Variants in FAM161A observed in about 807,000 individuals in gnomAD.
FAM161A encodes FAM161 centrosomal protein A.
In FAM161A, 57 loss-of-function variants were observed where a neutral mutation model predicts 70.9. That is an observed-to-expected ratio of 0.80 (90% CI 0.65 to 1.00). The LOEUF is 1.00. FAM161A is among the 50% of genes least tolerant of loss of function. The pLI, the probability that FAM161A is intolerant of heterozygous loss-of-function variation, is 0.00. For synonymous variants in FAM161A, 299 were observed against 295.7 expected (o/e 1.01, Z -0.12); for missense variants, 880 against 836.0 (o/e 1.05, Z -0.65).
At chr2:61,824,723 T>C (rs921747810), downstream of FAM161A, 3 of 250,964 alleles carry the variant, frequency 1.2e-5, no homozygotes, top group Admixed American at 5.1e-5. Flanking sequence ...TGAAAGCAAG[T>C]AATGTTTTAA....
intron 4 of FAM161A, among the ~76,000 whole-genome samples, chr2:61,837,230 T>A (rs991266164): frequency 3.9e-5 from 6 of 152,086 alleles, no homozygotes; most frequent in African/African-American, 1.4e-4. Flanking sequence ...GTTAATTCAA[T>A]GGGAGCAAGT....
chr2:61,829,472 T>A (rs1044225841), intron 5 of FAM161A, among the ~76,000 whole-genome samples: 57 of 152,116 alleles, frequency 3.7e-4, no homozygotes, highest in Non-Finnish European at 4.1e-4. Context: ...TCACTGTGAA[T>A]AACAATAATA....
At chr2:61,805,408 C>T in the FAM161A span, among the ~76,000 whole-genome samples, 1 of 152,122 alleles carries the variant, frequency 6.6e-6, no homozygotes, top group African/African-American at 2.4e-5. Context: ...CCCAGCTACT[C>T]GGGAGGCTGA....
At chr2:61,819,873 T>C (rs1341698210), downstream of FAM161A, among the ~76,000 whole-genome samples, 1 of 152,204 alleles carries the variant, frequency 6.6e-6, no homozygotes, top group Admixed American at 6.5e-5. Context: ...TGAATGAATA[T>C]TGTTATTTGC....
rs778573948 is a variant in FAM161A, at chr2:61,840,230, A to G, written c.774T>C (p.Ser258=). The G allele has an allele frequency of 6.2e-7, 1 of 1,613,934 alleles. No individual in the cohort carries two copies. The highest frequency in any genetic ancestry group is 1.1e-5 in the South Asian group (1 of 91,032). ...TATGTACCATTTCGATATCTGATTT[A>G]GATTTCATGGACTCTTCTTTTTTCT... The part of the protein sequence containing the change: ...EQKKKEESMK[S]KSDIEMVHKA... Residue 258 remains serine, a synonymous_variant, in exon 3 of 7, where the codon TCT becomes TCC. Coordinates refer to ENST00000404929, the MANE Select transcript of FAM161A (RefSeq NM_001201543.2).
At position 61,825,288 on chromosome 2, in the gene FAM161A, A is replaced by G. The variant is rs1437120150; in HGVS notation, c.*1167T>C. The stretch of plus-strand genomic sequence containing the variant: ...CACAGAGAGATAAAGTGTGTTGGCA[A>G]TAATATGTAAAAAGTTGAACACAAC... On this transcript the variant is annotated 3_prime_UTR_variant, in exon 7 of 7. Transcript: ENST00000404929. 1 of 454,244 alleles carries G rather than the reference A, an allele frequency of 2.2e-6. No individual in the cohort carries two copies. Among genetic ancestry groups the G allele is most frequent in the East Asian group, 6.9e-5 (1 of 14,528 alleles). The allele number at this position is 454,244 out of a possible 1,614,324, so 28.1% of individuals were successfully genotyped here. A position where few individuals can be genotyped will look rare whatever the true frequency, so the allele number is the denominator to read the frequency against.
In FAM161A at chr2:61,840,420, G is replaced by T. The variant is rs757037096; in HGVS notation, c.584C>A (p.Ala195Asp). Residue 195 changes from alanine (A) to aspartate (D), a missense_variant, in exon 3 of 7, where the codon GCT becomes GAT. Physicochemically the swap from Ala to Asp is moderately radical, Grantham distance 126 (BLOSUM62 -2). Transcript: ENST00000404929. Reference sequence around the variant, plus strand: ...CCACATATTGTTGATGAGCTCCTTAGCATAGGTCATCATTCTGTTTTTCCT... The same window carrying T: ...CCACATATTGTTGATGAGCTCCTTATCATAGGTCATCATTCTGTTTTTCCT... ...YPRKNRMMTY[A>D]KELINNMWTD... The T allele has an allele frequency of 3.1e-6, 5 of 1,614,054 alleles. No homozygotes were observed. The highest frequency in any genetic ancestry group is 4.2e-6 in the Non-Finnish European group (5 of 1,180,010).
At position 61,825,006 on chromosome 2, in the gene FAM161A, G is replaced by C. The variant is rs1185984357; in HGVS notation, c.*1449C>G. 2.9e-5 allele frequency: 13 copies of C among 453,226 alleles called. No homozygotes were observed. The highest frequency in any genetic ancestry group is 1.7e-4 in the South Asian group (11 of 63,962). The allele number at this position is 453,226 out of a possible 1,614,324, so 28.1% of individuals were successfully genotyped here. A position where few individuals can be genotyped will look rare whatever the true frequency, so the allele number is the denominator to read the frequency against. On this transcript the variant is annotated 3_prime_UTR_variant, in exon 7 of 7. Coordinates refer to ENST00000404929, the MANE Select transcript of FAM161A (RefSeq NM_001201543.2). ...AAAAAGTAATTTAACACGAACTGTA[G>C]GAAGAAAATTACAAGTAAACATTTG...
At chr2:61,808,881 C>CT in the FAM161A span, among the ~76,000 whole-genome samples, 2,310 of 148,692 alleles carry the variant, frequency 0.016, 48 homozygotes, top group African/African-American at 0.047. Flanking sequence ...GTAATGTTGA[C>CT]TTTTTTTTTT....
rs768762424 is a variant in FAM161A at position 61,840,577 on chromosome 2, C to G, written c.427G>C (p.Val143Leu). The change falls in exon 3 of 7, where the codon GTA becomes CTA. Residue 143 changes from valine to leucine, a missense_variant. Val to Leu is a conservative substitution (Grantham distance 32). Transcript: ENST00000404929. ...GGGTGATAGGAGTTCTTTTCTGATA[C>G]AGATCTAAATGAGAAGAATAACTAT... ...EDSLSDSSRS[V>L]SEKNSYHPVS... is the part of the protein sequence containing the mutation. 5.0e-6 allele frequency: 8 copies of G among 1,596,086 alleles called. No individual in the cohort carries two copies. Among genetic ancestry groups the G allele is most frequent in the Non-Finnish European group, 6.9e-6 (8 of 1,163,868 alleles).
chr2:61,849,068 A>AT (rs1673396476), intron 1 of FAM161A, among the ~76,000 whole-genome samples: 1 of 6,092 alleles, frequency 1.6e-4, no homozygotes, highest in Non-Finnish European at 3.2e-4. Context: ...ATATATATAT[A>AT]AATATATATA....
At position 61,825,508 on chromosome 2, in the gene FAM161A, T is replaced by A. The variant is rs1418067621; in HGVS notation, c.*947A>T. 1 of 441,572 alleles carries A rather than the reference T, an allele frequency of 2.3e-6. No homozygotes were observed. The highest frequency in any genetic ancestry group is 4.5e-6 in the Non-Finnish European group (1 of 223,566). The allele number at this position is 441,572 out of a possible 1,614,324, so 27.4% of individuals were successfully genotyped here. A position where few individuals can be genotyped will look rare whatever the true frequency, so the allele number is the denominator to read the frequency against. On this transcript the variant is annotated 3_prime_UTR_variant, in exon 7 of 7. Transcript: ENST00000404929. ...ACTAGTATAAAAACTTTCCTAATAA[T>A]TTACAAATCAAAAATAATTTGGACT... is the stretch of plus-strand genomic sequence containing the variant.
the FAM161A span, among the ~76,000 whole-genome samples, chr2:61,812,452 T>G: frequency 6.6e-6 from 1 of 152,222 alleles, no homozygotes; most frequent in Non-Finnish European, 1.5e-5. Flanking sequence ...CCAGGCGTGG[T>G]GGCTCACGCC....
chr2:61,851,036 G>T (rs537279696), intron 1 of FAM161A, among the ~76,000 whole-genome samples: 1 of 152,030 alleles, frequency 6.6e-6, no homozygotes, highest in East Asian at 1.9e-4. Flanking sequence ...CACCACGCCC[G>T]GCTAATTTTG....
At chr2:61,845,662 AT>A (rs1457541905) in intron 1 of FAM161A, among the ~76,000 whole-genome samples, 5 of 151,632 alleles carry the variant, frequency 3.3e-5, no homozygotes, top group East Asian at 1.9e-4. Context: ...ATCTCTACAA[AT>A]TTTTTTTAAA....
intron 5 of FAM161A, chr2:61,835,478 A>AC (rs1196040635): frequency 6.6e-6 from 1 of 152,424 alleles, no homozygotes; most frequent in Non-Finnish European, 1.5e-5. Flanking sequence ...TAAAAAAAAA[A>AC]ACTAGCAGAA....
At position 61,853,847 on chromosome 2, in the gene FAM161A, C is replaced by T. The variant is rs774742327; in HGVS notation, c.183+12G>A. On this transcript the variant is annotated intron_variant, in intron 1 of 6. Coordinates refer to ENST00000404929, the MANE Select transcript of FAM161A (RefSeq NM_001201543.2). Reference sequence around the variant, plus strand: ...ATGCGAGGTCCCAGCCCAAGTCCCGCCCCAGTATTACCGATGCCCCAGCGG... The same window carrying T: ...ATGCGAGGTCCCAGCCCAAGTCCCGTCCCAGTATTACCGATGCCCCAGCGG... 2.1e-5 allele frequency: 34 copies of T among 1,613,826 alleles called. No homozygotes were observed. Among genetic ancestry groups the T allele is most frequent in the Non-Finnish European group, 2.5e-5 (29 of 1,179,764 alleles).
chr2:61,840,599 CTA>C lies in FAM161A; in HGVS notation c.423-20_423-19del, dbSNP rs1024401075. 6.6e-7 allele frequency: 1 copy of C among 1,506,030 alleles called. No homozygotes were observed. The highest frequency in any genetic ancestry group is 9.2e-7 in the Non-Finnish European group (1 of 1,082,072). The allele number at this position is 1,506,030 out of a possible 1,614,324, so 93.3% of individuals were successfully genotyped here. A position where few individuals can be genotyped will look rare whatever the true frequency, so the allele number is the denominator to read the frequency against. On this transcript the variant is annotated intron_variant, in intron 2 of 6. Transcript: ENST00000404929. Reference sequence around the variant, plus strand: ...ATACAGATCTAAATGAGAAGAATAACTATGTTATACTTTCAGTTGTATGTGAC... The same window carrying C: ...ATACAGATCTAAATGAGAAGAATAACTGTTATACTTTCAGTTGTATGTGAC...
At chr2:61,806,824 C>CT in the FAM161A span, among the ~76,000 whole-genome samples, 1 of 146,524 alleles carries the variant, frequency 6.8e-6, no homozygotes, top group African/African-American at 2.7e-5. Context: ...TCCCGAGTAG[C>CT]TGGGACTACA....
Sources: gnomAD v4.1 joint callset for allele counts (sites outside exome capture counted in the v4.1 genomes callset) on GRCh38, gnomAD v4.1.1 for gene constraint, MANE v1.5 for transcripts, NCBI Gene and HGNC (gene_info 2026-07-23, HGNC 2026-07-21) for gene names.